Variants in AFG2A observed in about 807,000 individuals in gnomAD.
AFG2A encodes the protein AAA ATPase AFG2A, also known as ATPase family gene 2 protein homolog A.
At chr4:123,053,194 C>G in the AFG2A span, among the ~76,000 whole-genome samples, 1 of 152,222 alleles carries the variant, frequency 6.6e-6, no homozygotes, top group Non-Finnish European at 1.5e-5. Flanking sequence ...TCAGTCCAAT[C>G]AAGTTGACAA....
chr4:123,286,838 A>C, the AFG2A span, among the ~76,000 whole-genome samples: 1 of 152,036 alleles, frequency 6.6e-6, no homozygotes, highest in Admixed American at 6.6e-5. Context: ...GTAGCAAAGC[A>C]GTGAGGAGTT....
the AFG2A span, chr4:123,318,973 A>C: frequency 2.6e-5 from 4 of 152,164 alleles, no homozygotes; most frequent in Non-Finnish European, 4.4e-5. Flanking sequence ...AGGGATATTC[A>C]CATTGACATG....
the AFG2A span, among the ~76,000 whole-genome samples, chr4:123,237,397 G>A: frequency 6.6e-6 from 1 of 151,618 alleles, no homozygotes; most frequent in Non-Finnish European, 1.5e-5. Context: ...ATTCAATTAC[G>A]GGCTGGGCAT....
the AFG2A span, among the ~76,000 whole-genome samples, chr4:123,264,333 A>G: frequency 1.3e-5 from 2 of 152,278 alleles, no homozygotes; most frequent in Non-Finnish European, 2.9e-5. Context: ...GTAACCAAAC[A>G]CCATGTGTTC....
chr4:123,251,078 G>A, the AFG2A span, among the ~76,000 whole-genome samples: 12,668 of 152,134 alleles, frequency 0.083, 727 homozygotes, highest in Middle Eastern at 0.16. Flanking sequence ...CACTGCCTGA[G>A]GATAGCTACA....
the AFG2A span, among the ~76,000 whole-genome samples, chr4:123,299,181 A>G: frequency 1.7e-4 from 26 of 151,972 alleles, no homozygotes; most frequent in Non-Finnish European, 2.6e-4. Flanking sequence ...AGATACACAT[A>G]TATTTATTTC....
chr4:122,939,798 C>T, the AFG2A span, among the ~76,000 whole-genome samples: 1 of 152,194 alleles, frequency 6.6e-6, no homozygotes, highest in Non-Finnish European at 1.5e-5. Context: ...AACTCCACAA[C>T]AGGCCCCAGA....
the AFG2A span, among the ~76,000 whole-genome samples, chr4:123,096,923 A>G: frequency 6.6e-6 from 1 of 152,098 alleles, no homozygotes; most frequent in Non-Finnish European, 1.5e-5. Flanking sequence ...AATAAGACAT[A>G]ACATTTTGTT....
the AFG2A span, chr4:123,314,138 T>C: frequency 0.032 from 43,644 of 1,355,648 alleles, 848 homozygotes; most frequent in Non-Finnish European, 0.037. Flanking sequence ...TTTTTGAGAG[T>C]GTTAAAAAAA....
chr4:123,255,994 T>C, the AFG2A span: 1 of 1,613,562 alleles, frequency 6.2e-7, no homozygotes. Flanking sequence ...AGTTAATTCA[T>C]GTTGCCTCAT....
the AFG2A span, among the ~76,000 whole-genome samples, chr4:123,221,744 G>C: frequency 6.6e-6 from 1 of 152,072 alleles, no homozygotes; most frequent in South Asian, 2.1e-4. Flanking sequence ...GGCCAACATG[G>C]TGAAACCCCG....
chr4:123,229,539 C>T, the AFG2A span, among the ~76,000 whole-genome samples: 6 of 151,820 alleles, frequency 4.0e-5, no homozygotes, highest in South Asian at 2.1e-4. Context: ...AGAGTAGACA[C>T]GAGGATAAAT....
chr4:123,194,232 CT>C, the AFG2A span, among the ~76,000 whole-genome samples: 1 of 152,200 alleles, frequency 6.6e-6, no homozygotes, highest in African/African-American at 2.4e-5. Flanking sequence ...GCTGTCCAAT[CT>C]TTTGGTTTCC....
chr4:122,968,003 T>A, the AFG2A span, among the ~76,000 whole-genome samples: 2 of 152,152 alleles, frequency 1.3e-5, no homozygotes, highest in Non-Finnish European at 1.5e-5. Context: ...AGACTTTTTT[T>A]AGAGCAGTTT....
At chr4:123,002,253 T>C in the AFG2A span, among the ~76,000 whole-genome samples, 6 of 152,202 alleles carry the variant, frequency 3.9e-5, no homozygotes, top group South Asian at 1.0e-3. Context: ...CTTGACTCTT[T>C]ATCCAATTTG....
chr4:123,186,125 C>T, the AFG2A span, among the ~76,000 whole-genome samples: 1 of 152,258 alleles, frequency 6.6e-6, no homozygotes, highest in Middle Eastern at 3.4e-3. Flanking sequence ...TCTGATTAAA[C>T]AGCTTAGTCA....
At chr4:123,167,344 T>TTTTG in the AFG2A span, among the ~76,000 whole-genome samples, 4 of 151,840 alleles carry the variant, frequency 2.6e-5, no homozygotes, top group South Asian at 6.2e-4. Context: ...TGTTTCTTTT[T>TTTTG]TTTGTTTGTT....
the AFG2A span, among the ~76,000 whole-genome samples, chr4:123,312,899 C>T: frequency 1.3e-5 from 2 of 152,212 alleles, no homozygotes; most frequent in Admixed American, 6.5e-5. Context: ...AGCAGAGGAA[C>T]TCTTTTCAGT....
chr4:123,079,397 G>T, the AFG2A span, among the ~76,000 whole-genome samples: 2 of 152,218 alleles, frequency 1.3e-5, no homozygotes, highest in Admixed American at 6.5e-5. Flanking sequence ...CTAAGGATAG[G>T]ATCTGACATT....
Sources: gnomAD v4.1 joint callset for allele counts (sites outside exome capture counted in the v4.1 genomes callset) on GRCh38, gnomAD v4.1.1 for gene constraint, MANE v1.5 for transcripts, NCBI Gene and HGNC (gene_info 2026-07-23, HGNC 2026-07-21) for gene names.